Variants in CD82 observed in about 807,000 individuals in gnomAD.
CD82 encodes the protein CD82 molecule.
Under a neutral mutation model 37.4 loss-of-function variants are expected in CD82, and 36 were observed. The observed-to-expected ratio is 0.96, with a 90% confidence interval of 0.74 to 1.27. CD82 has a LOEUF of 1.27. Ranked by LOEUF, CD82 falls within the 50% of genes most tolerant of loss-of-function variation. The pLI is 0.00. For synonymous variants in CD82, 158 were observed against 137.4 expected, an observed-to-expected ratio of 1.15 and a Z score of -1.05; for missense variants, 340 against 347.0, an observed-to-expected ratio of 0.98 and a Z score of 0.16.
chr11:44,583,592 T>A (rs1472820695), intron 1 of CD82, among the ~76,000 whole-genome samples: 1 of 152,132 alleles, frequency 6.6e-6, no homozygotes. Flanking sequence ...AGCATTTACC[T>A]TGTTCATTTG....
At chr11:44,594,355 G>C (rs1853189925) in intron 2 of CD82, among the ~76,000 whole-genome samples, 1 of 151,702 alleles carries the variant, frequency 6.6e-6, no homozygotes, top group Non-Finnish European at 1.5e-5. Flanking sequence ...ATGGAGGTGA[G>C]GGGTGAGGGT....
At chr11:44,571,364 G>A (rs755320090) in intron 1 of CD82, among the ~76,000 whole-genome samples, 12 of 152,268 alleles carry the variant, frequency 7.9e-5, no homozygotes, top group Middle Eastern at 3.4e-3. Context: ...GATGATTCCC[G>A]CCTCTGCTAC....
intron 7 of CD82, among the ~76,000 whole-genome samples, chr11:44,617,588 A>G: frequency 6.6e-6 from 1 of 150,558 alleles, no homozygotes; most frequent in South Asian, 2.1e-4. Context: ...AAAAAGGCGG[A>G]ATTGACCCCG....
At chr11:44,585,432 C>A in intron 1 of CD82, 1 of 415,094 alleles carries the variant, frequency 2.4e-6, no homozygotes, top group Non-Finnish European at 4.9e-6. Context: ...TCACCCAAGG[C>A]TACACTGCTG....
intron 3 of CD82, among the ~76,000 whole-genome samples, chr11:44,596,112 GA>G (rs1378437797): frequency 6.6e-6 from 1 of 152,182 alleles, no homozygotes; most frequent in Non-Finnish European, 1.5e-5. Context: ...AGGACCCTGT[GA>G]GGCCCCACTG....
chr11:44,613,186 G>T (rs1853511255), intron 6 of CD82, among the ~76,000 whole-genome samples: 2 of 152,172 alleles, frequency 1.3e-5, no homozygotes, highest in Non-Finnish European at 2.9e-5. Flanking sequence ...TGGCATCCCT[G>T]CCTTCTAGGG....
chr11:44,598,400 A>T (rs527285459), intron 3 of CD82, among the ~76,000 whole-genome samples: 8 of 58,902 alleles, frequency 1.4e-4, no homozygotes, highest in Non-Finnish European at 1.8e-4. Context: ...TTTGGCCTTA[A>T]TTTTTTTTTT....
intron 6 of CD82, among the ~76,000 whole-genome samples, chr11:44,607,702 G>A (rs1459134857): frequency 1.3e-5 from 2 of 152,228 alleles, no homozygotes; most frequent in Non-Finnish European, 2.9e-5. Context: ...TGAGGCCCAG[G>A]AAAGCAAAGT....
At chr11:44,596,026 G>A (rs559877228) in intron 3 of CD82, among the ~76,000 whole-genome samples, 2 of 151,998 alleles carry the variant, frequency 1.3e-5, no homozygotes, top group African/African-American at 4.8e-5. Flanking sequence ...ATACACGCAT[G>A]CACACACACA....
At chr11:44,565,096 C>T (rs1180999833), upstream of CD82, among the ~76,000 whole-genome samples, 1 of 152,212 alleles carries the variant, frequency 6.6e-6, no homozygotes, top group African/African-American at 2.4e-5. Context: ...CCCGGCGGCA[C>T]CCGGATACAC....
intron 2 of CD82, among the ~76,000 whole-genome samples, chr11:44,590,882 C>T (rs1853136046): frequency 6.6e-6 from 1 of 152,164 alleles, no homozygotes; most frequent in South Asian, 2.1e-4. Flanking sequence ...TGCCACAGCC[C>T]ATCGTGGGTG....
intron 2 of CD82, among the ~76,000 whole-genome samples, 165 bp from the exon 3 acceptor site, chr11:44,594,478 G>T (rs1473647765): frequency 1.3e-5 from 2 of 152,142 alleles, no homozygotes; most frequent in Non-Finnish European, 2.9e-5. Flanking sequence ...AAGACTGCTC[G>T]TGGGACCTCA....
chr11:44,577,433 C>A (rs1450216310), intron 1 of CD82, among the ~76,000 whole-genome samples: 2 of 152,150 alleles, frequency 1.3e-5, no homozygotes, highest in African/African-American at 4.8e-5. Context: ...TCAACTCTCT[C>A]GGGTTCTGTG....
chr11:44,575,840 G>C (rs770042803), intron 1 of CD82, among the ~76,000 whole-genome samples: 1 of 152,116 alleles, frequency 6.6e-6, no homozygotes, highest in Non-Finnish European at 1.5e-5. Context: ...CAGCATCCCC[G>C]TTTTACGGAA....
intron 3 of CD82, among the ~76,000 whole-genome samples, chr11:44,599,802 AGCTCCCAG>A (rs1255044941): frequency 6.6e-6 from 1 of 152,168 alleles, no homozygotes; most frequent in East Asian, 1.9e-4. Context: ...TTGTTTGGGA[AGCTCCCAG>A]GCCCTGAACT....
At chr11:44,599,966 A>C (rs1382025879) in intron 3 of CD82, among the ~76,000 whole-genome samples, 192 bp from the exon 4 acceptor site, 1 of 152,158 alleles carries the variant, frequency 6.6e-6, no homozygotes, top group East Asian at 1.9e-4. Flanking sequence ...TTCCCTATCC[A>C]GGGTCCTGGT....
At chr11:44,581,575 A>G (rs1852979490) in intron 1 of CD82, among the ~76,000 whole-genome samples, 2 of 152,212 alleles carry the variant, frequency 1.3e-5, no homozygotes, top group South Asian at 2.1e-4. Flanking sequence ...GAGCCTCTCC[A>G]GACTGGGTGC....
chr11:44,581,779 G>T (rs1184162354), intron 1 of CD82, among the ~76,000 whole-genome samples: 1 of 152,226 alleles, frequency 6.6e-6, no homozygotes, highest in Non-Finnish European at 1.5e-5. Flanking sequence ...TGTATTCTAA[G>T]AGGAGAGGGT....
chr11:44,602,501 A>G (rs933399499), intron 4 of CD82, among the ~76,000 whole-genome samples: 1 of 152,214 alleles, frequency 6.6e-6, no homozygotes, highest in African/African-American at 2.4e-5. Flanking sequence ...GCCATCTTCA[A>G]GTAGCAGGCT....
Sources: gnomAD v4.1 joint callset for allele counts (sites outside exome capture counted in the v4.1 genomes callset) on GRCh38, gnomAD v4.1.1 for gene constraint, MANE v1.5 for transcripts, NCBI Gene and HGNC (gene_info 2026-07-23, HGNC 2026-07-21) for gene names.